AKT3: variants seen among roughly 807,000 people sequenced by gnomAD.
AKT3 encodes AKT serine/threonine kinase 3.
A neutral mutation model predicts 65.3 loss-of-function variants in AKT3; 15 were observed. That is an observed-to-expected ratio of 0.23 (90% confidence interval 0.15 to 0.35). The LOEUF is 0.35. Among genes scored for constraint, AKT3 ranks in the 10% least tolerant of loss-of-function variants. The pLI, the probability that AKT3 is intolerant of heterozygous loss-of-function variation, is 1.00. For synonymous variants in AKT3, 206 were observed against 183.8 expected (o/e 1.12, Z -0.98); for missense variants, 243 against 576.5 (o/e 0.42, Z 5.92).
At chr1:243,809,040 A>G (rs1340904690) in intron 2 of AKT3, among the ~76,000 whole-genome samples, 3 of 152,228 alleles carry the variant, frequency 2.0e-5, no homozygotes, top group Non-Finnish European at 2.9e-5. Flanking sequence ...GGCGCTAAAC[A>G]TGGAAAGGAA....
At chr1:243,751,590 A>G (rs1688816153) in intron 2 of AKT3, among the ~76,000 whole-genome samples, 1 of 152,218 alleles carries the variant, frequency 6.6e-6, no homozygotes, top group Non-Finnish European at 1.5e-5. Context: ...GGCCCTGGCA[A>G]ATCTAGTCCA....
At chr1:243,584,445 C>T (rs950160506) in intron 8 of AKT3, among the ~76,000 whole-genome samples, 3 of 151,946 alleles carry the variant, frequency 2.0e-5, no homozygotes, top group Non-Finnish European at 2.9e-5. Context: ...TTTACAAAGC[C>T]AGTAACATCC....
At chr1:243,663,882 T>A (rs1682573001) in intron 4 of AKT3, among the ~76,000 whole-genome samples, 1 of 152,146 alleles carries the variant, frequency 6.6e-6, no homozygotes, top group African/African-American at 2.4e-5. Context: ...GGGAAGTGGT[T>A]GTAAAAACTG....
intron 2 of AKT3, among the ~76,000 whole-genome samples, chr1:243,783,409 C>T (rs1057339238): frequency 6.6e-6 from 1 of 152,076 alleles, no homozygotes; most frequent in Non-Finnish European, 1.5e-5. Context: ...GGTGGCATAC[C>T]CTAACTCCAC....
chr1:243,599,863 A>C (rs937419076), intron 8 of AKT3, among the ~76,000 whole-genome samples: 1 of 152,126 alleles, frequency 6.6e-6, no homozygotes, highest in African/African-American at 2.4e-5. Flanking sequence ...CACATATTAG[A>C]AAATAGCAGT....
chr1:243,604,920 A>T (rs529487522), intron 8 of AKT3, among the ~76,000 whole-genome samples: 30 of 152,336 alleles, frequency 2.0e-4, no homozygotes, highest in African/African-American at 6.7e-4. Flanking sequence ...ATCACTCCCA[A>T]ACATTCCTTA....
intron 2 of AKT3, among the ~76,000 whole-genome samples, chr1:243,801,566 CCCTAGAGGCCAA>C (rs1692384802): frequency 1.2e-4 from 18 of 152,182 alleles, no homozygotes; most frequent in Admixed American, 7.9e-4. Flanking sequence ...TCTGAATACT[CCCTAGAGGCCAA>C]TCAGCCAGGT....
chr1:243,813,470 C>G (rs1042405954), intron 2 of AKT3, among the ~76,000 whole-genome samples: 3 of 150,092 alleles, frequency 2.0e-5, no homozygotes, highest in Non-Finnish European at 4.4e-5. Flanking sequence ...CCACCTGTTC[C>G]CCAAACGCCT....
intron 6 of AKT3, among the ~76,000 whole-genome samples, chr1:243,619,919 T>C (rs1678609309): frequency 1.0e-5 from 1 of 98,582 alleles, no homozygotes; most frequent in African/African-American, 2.6e-5. Flanking sequence ...GTTATACTGA[T>C]TTACATTCCC....
intron 2 of AKT3, among the ~76,000 whole-genome samples, chr1:243,705,886 G>A (rs913295292): frequency 6.6e-6 from 1 of 152,160 alleles, no homozygotes; most frequent in Non-Finnish European, 1.5e-5. Flanking sequence ...TTAGAGCAGA[G>A]TTTCCAGTTC....
At chr1:243,602,868 T>C (rs1033709204) in intron 8 of AKT3, among the ~76,000 whole-genome samples, 25 of 152,144 alleles carry the variant, frequency 1.6e-4, no homozygotes, top group Admixed American at 1.6e-3. Flanking sequence ...TTTCCTTTAC[T>C]CCCCTAATGA....
At chr1:243,848,007 G>A (rs1695590852) in intron 1 of AKT3, among the ~76,000 whole-genome samples, 1 of 152,070 alleles carries the variant, frequency 6.6e-6, no homozygotes, top group South Asian at 2.1e-4. Context: ...AATTTTTGCA[G>A]GATTACTTTG....
chr1:243,715,499 A>G (rs1686451478), intron 2 of AKT3, among the ~76,000 whole-genome samples: 2 of 152,114 alleles, frequency 1.3e-5, no homozygotes, highest in South Asian at 4.1e-4. Context: ...ATATGTGACC[A>G]ACAACAGAAG....
chr1:243,790,818 G>C (rs1178833976), intron 2 of AKT3, among the ~76,000 whole-genome samples: 1 of 152,118 alleles, frequency 6.6e-6, no homozygotes, highest in African/African-American at 2.4e-5. Context: ...TGTGTCTCAG[G>C]AGTGAGAGAG....
chr1:243,730,373 T>C (rs956206194), intron 2 of AKT3, among the ~76,000 whole-genome samples: 3 of 152,172 alleles, frequency 2.0e-5, no homozygotes, highest in Admixed American at 6.5e-5. Context: ...CGTAACCTCA[T>C]TCTTCCTGGA....
intron 2 of AKT3, among the ~76,000 whole-genome samples, chr1:243,816,273 A>T (rs564549335): frequency 6.6e-6 from 1 of 152,342 alleles, no homozygotes; most frequent in South Asian, 2.1e-4. Flanking sequence ...GCATATCAAC[A>T]GCTTATCTTC....
intron 8 of AKT3, among the ~76,000 whole-genome samples, chr1:243,594,561 G>T (rs766459945): frequency 6.6e-6 from 1 of 152,156 alleles, no homozygotes; most frequent in South Asian, 2.1e-4. Flanking sequence ...TGCAGAAACA[G>T]ACCCATATGT....
At chr1:243,769,793 C>T (rs1372395762) in intron 2 of AKT3, among the ~76,000 whole-genome samples, 2 of 152,120 alleles carry the variant, frequency 1.3e-5, no homozygotes, top group African/African-American at 4.8e-5. Context: ...TTCTTGACAG[C>T]GGCCTTTGAC....
At chr1:243,682,447 T>C (rs1683992418) in intron 3 of AKT3, among the ~76,000 whole-genome samples, 1 of 152,190 alleles carries the variant, frequency 6.6e-6, no homozygotes, top group African/African-American at 2.4e-5. Context: ...AAAATTATTT[T>C]ATATTCTACC....
Sources: gnomAD v4.1 joint callset for allele counts (sites outside exome capture counted in the v4.1 genomes callset) on GRCh38, gnomAD v4.1.1 for gene constraint, MANE v1.5 for transcripts, NCBI Gene and HGNC (gene_info 2026-07-23, HGNC 2026-07-21) for gene names.